Variants in HTR4 observed in about 807,000 individuals in gnomAD.
HTR4 encodes 5-hydroxytryptamine (serotonin) receptor 4, G protein-coupled.
HTR4 carries 16 observed loss-of-function variants against 36.8 expected under a neutral mutation model. That is an observed-to-expected ratio of 0.43 (90% CI 0.29 to 0.66). The LOEUF is 0.66. Ranked by LOEUF, HTR4 falls within the 30% of genes least tolerant of loss-of-function variation. The pLI is 0.13. For synonymous variants in HTR4, 189 were observed against 185.1 expected, an observed-to-expected ratio of 1.02 and a Z score of -0.17; for missense variants, 438 against 490.9, an observed-to-expected ratio of 0.89 and a Z score of 1.02.
chr5:148,515,718 C>T (rs552802320), intron 5 of HTR4, among the ~76,000 whole-genome samples: 1 of 151,824 alleles, frequency 6.6e-6, no homozygotes, highest in African/African-American at 2.4e-5. Context: ...TGTCATTTTT[C>T]TCTAATTACT....
At chr5:148,453,796 G>T (rs1296199856) in intron 5 of HTR4, among the ~76,000 whole-genome samples, 1 of 152,156 alleles carries the variant, frequency 6.6e-6, no homozygotes, top group Non-Finnish European at 1.5e-5. Context: ...ACTCCCTCTG[G>T]ATGCTCTATT....
chr5:148,566,343 A>G (rs1760442233), intron 2 of HTR4, among the ~76,000 whole-genome samples: 2 of 152,194 alleles, frequency 1.3e-5, no homozygotes, highest in South Asian at 4.1e-4. Context: ...TTACAAAAAT[A>G]CTAGAAGAAA....
chr5:148,523,447 G>T, intron 4 of HTR4, 101 bp from the exon 5 acceptor site: 1 of 862,296 alleles, frequency 1.2e-6, no homozygotes, highest in Non-Finnish European at 1.7e-6. Context: ...AAGAGGGGAT[G>T]GAGCAAGGGA....
chr5:148,523,496 A>G, intron 4 of HTR4, 150 bp from the exon 5 acceptor site: 1 of 520,294 alleles, frequency 1.9e-6, no homozygotes, highest in Non-Finnish European at 3.2e-6. Context: ...GTCGGAGGGG[A>G]AGCAGAGAAT....
downstream of HTR4, among the ~76,000 whole-genome samples, chr5:148,478,370 G>C (rs998089554): frequency 3.3e-5 from 5 of 152,156 alleles, no homozygotes; most frequent in African/African-American, 1.2e-4. Context: ...GGAGGTTCTG[G>C]GGTCTGGTAG....
chr5:148,503,377 A>G (rs1177556562), intron 6 of HTR4, among the ~76,000 whole-genome samples: 1 of 152,204 alleles, frequency 6.6e-6, no homozygotes, highest in Non-Finnish European at 1.5e-5. Flanking sequence ...CCAGAATTTC[A>G]TATCCAGCCA....
At chr5:148,533,579 G>T (rs1758676378) in intron 4 of HTR4, among the ~76,000 whole-genome samples, 1 of 152,118 alleles carries the variant, frequency 6.6e-6, no homozygotes, top group Non-Finnish European at 1.5e-5. Context: ...CCCAACCACA[G>T]AAAAGGCACA....
At chr5:148,580,137 TGG>T (rs1761077630) in intron 2 of HTR4, among the ~76,000 whole-genome samples, 2 of 151,990 alleles carry the variant, frequency 1.3e-5, no homozygotes, top group Non-Finnish European at 2.9e-5. Context: ...ATGGGAACAA[TGG>T]TGCTCACTGC....
chr5:148,476,521 A>G (rs1755701774), downstream of HTR4: 2 of 1,273,926 alleles, frequency 1.6e-6, no homozygotes, highest in Admixed American at 8.0e-5. Flanking sequence ...CAGCTTTTGA[A>G]GTGGGTGGAG....
At chr5:148,490,968 C>T (rs1756396946) in intron 6 of HTR4, 1 of 394,572 alleles carries the variant, frequency 2.5e-6, no homozygotes, top group Admixed American at 3.1e-5. Context: ...ATGGCATTTA[C>T]CCTCTTCTGA....
At chr5:148,459,112 T>A (rs1025015525) in intron 5 of HTR4, among the ~76,000 whole-genome samples, 3 of 152,200 alleles carry the variant, frequency 2.0e-5, no homozygotes, top group African/African-American at 7.2e-5. Context: ...TGACAGGATC[T>A]GCTGATGCAT....
At chr5:148,476,739 T>C, downstream of HTR4, 1 of 1,613,180 alleles carries the variant, frequency 6.2e-7, no homozygotes. Flanking sequence ...CTCAAGGAGC[T>C]CAAAATCTGG....
intron 2 of HTR4, among the ~76,000 whole-genome samples, chr5:148,565,351 TGAAAC>T (rs1342062244): frequency 6.6e-6 from 1 of 152,074 alleles, no homozygotes; most frequent in Non-Finnish European, 1.5e-5. Flanking sequence ...TGGGGGCTGT[TGAAAC>T]GACAACTATA....
At chr5:148,569,681 T>A (rs1581489833) in intron 2 of HTR4, among the ~76,000 whole-genome samples, 3 of 151,896 alleles carry the variant, frequency 2.0e-5, no homozygotes, top group Admixed American at 2.0e-4. Flanking sequence ...GATTAAAAAA[T>A]TATACATCAA....
At chr5:148,646,920 A>G (rs772097902) in intron 1 of HTR4, among the ~76,000 whole-genome samples, 1 of 152,128 alleles carries the variant, frequency 6.6e-6, no homozygotes, top group Non-Finnish European at 1.5e-5. Context: ...AACAACAAAA[A>G]ACCCAGATCT....
intron 2 of HTR4, among the ~76,000 whole-genome samples, chr5:148,636,111 T>C (rs1753526561): frequency 6.6e-6 from 1 of 152,128 alleles, no homozygotes; most frequent in Non-Finnish European, 1.5e-5. Flanking sequence ...CTGGTTGGGG[T>C]GACAGTACAT....
intron 2 of HTR4, among the ~76,000 whole-genome samples, chr5:148,585,524 G>A (rs1324702788): frequency 6.6e-6 from 1 of 152,178 alleles, no homozygotes; most frequent in Admixed American, 6.5e-5. Context: ...TATCATTGAA[G>A]TAAGATTCCT....
chr5:148,478,987 C>T (rs1205839881), downstream of HTR4, among the ~76,000 whole-genome samples: 4 of 151,926 alleles, frequency 2.6e-5, no homozygotes, highest in African/African-American at 4.8e-5. Context: ...TTGGATGGCT[C>T]GTGACATGCC....
intron 4 of HTR4, among the ~76,000 whole-genome samples, chr5:148,529,950 T>A (rs1014068858): frequency 1.3e-5 from 2 of 152,190 alleles, no homozygotes; most frequent in African/African-American, 4.8e-5. Context: ...CTTAGAGATT[T>A]GTGGAACTTT....
Sources: gnomAD v4.1 joint callset for allele counts (sites outside exome capture counted in the v4.1 genomes callset) on GRCh38, gnomAD v4.1.1 for gene constraint, MANE v1.5 for transcripts, NCBI Gene and HGNC (gene_info 2026-07-23, HGNC 2026-07-21) for gene names.